The following STRAP variants were observed in gnomAD, a reference collection of about 807,000 sequenced individuals.
The protein encoded by STRAP is serine-threonine kinase receptor-associated protein.
Under a neutral mutation model 47.0 loss-of-function variants are expected in STRAP, and 16 were observed. That is an observed-to-expected ratio of 0.34 (90% CI 0.23 to 0.52). STRAP has a LOEUF of 0.52. STRAP is among the 20% of genes least tolerant of loss of function. The probability of loss-of-function intolerance (pLI) is 0.96; values close to 1 mark genes in which losing one functional copy is unlikely to be tolerated. For synonymous variants in STRAP, 130 were observed against 142.7 expected (o/e 0.91, Z 0.63); for missense variants, 293 against 420.0 (o/e 0.70, Z 2.64).
chr12:15,899,501 A>G (rs1948086078), intron 7 of STRAP, among the ~76,000 whole-genome samples: 1 of 152,234 alleles, frequency 6.6e-6, no homozygotes, highest in Admixed American at 6.5e-5. Context: ...GTGGCTCTCT[A>G]TAGTCATAAT....
intron 9 of STRAP, among the ~76,000 whole-genome samples, chr12:15,902,586 G>A (rs1948114001): frequency 6.6e-6 from 1 of 152,120 alleles, no homozygotes; most frequent in Non-Finnish European, 1.5e-5. Context: ...TAAAAGAGAG[G>A]GCCAGATCCT....
At chr12:15,885,914 A>G (rs1947966882) in intron 2 of STRAP, among the ~76,000 whole-genome samples, 1 of 152,204 alleles carries the variant, frequency 6.6e-6, no homozygotes, top group Non-Finnish European at 1.5e-5. Context: ...TAAAGTAACG[A>G]TGATAGCTAC....
At chr12:15,886,667 G>T (rs1947975267) in intron 2 of STRAP, among the ~76,000 whole-genome samples, 1 of 152,140 alleles carries the variant, frequency 6.6e-6, no homozygotes, top group African/African-American at 2.4e-5. Flanking sequence ...GTTTGTGTGT[G>T]TGTGTATTCT....
At chr12:15,893,640 CAAT>C (rs1948036358) in intron 4 of STRAP, among the ~76,000 whole-genome samples, 1 of 146,300 alleles carries the variant, frequency 6.8e-6, no homozygotes, top group Non-Finnish European at 1.5e-5. Context: ...GTATATTATA[CAAT>C]AATGCTTTTA....
intron 2 of STRAP, among the ~76,000 whole-genome samples, chr12:15,884,204 TC>T (rs1320889597): frequency 6.6e-6 from 1 of 152,244 alleles, no homozygotes; most frequent in Non-Finnish European, 1.5e-5. Flanking sequence ...ATTATCATCA[TC>T]TTTTTTGATT....
At chr12:15,884,428 C>G (rs1947951386) in intron 2 of STRAP, among the ~76,000 whole-genome samples, 1 of 151,888 alleles carries the variant, frequency 6.6e-6, no homozygotes, top group Admixed American at 6.6e-5. Flanking sequence ...AGTTCATGAC[C>G]TTTGATGTAC....
chr12:15,899,472 TG>T (rs1476483146), intron 7 of STRAP, among the ~76,000 whole-genome samples: 1 of 152,178 alleles, frequency 6.6e-6, no homozygotes, highest in East Asian at 1.9e-4. Context: ...AGGCAAAGTG[TG>T]TAAAAGAGCT....
At chr12:15,892,805 C>G (rs1393730984) in intron 4 of STRAP, among the ~76,000 whole-genome samples, 1 of 152,118 alleles carries the variant, frequency 6.6e-6, no homozygotes, top group Non-Finnish European at 1.5e-5. Flanking sequence ...TCTATGAACC[C>G]ATTCAACAAA....
intron 5 of STRAP, 121 bp from the exon 6 acceptor site, chr12:15,895,238 A>G (rs1948050243): frequency 1.3e-6 from 1 of 799,582 alleles, no homozygotes; most frequent in Admixed American, 3.6e-5. Context: ...GTGACTTGGA[A>G]TGAATGTTGT....
At chr12:15,901,914 G>T (rs1948106710) in intron 9 of STRAP, among the ~76,000 whole-genome samples, 1 of 151,358 alleles carries the variant, frequency 6.6e-6, no homozygotes, top group South Asian at 2.1e-4. Context: ...CAAAGAATTG[G>T]ACTGGGAACA....
chr12:15,899,026 C>T (rs1305180011), intron 7 of STRAP, among the ~76,000 whole-genome samples: 1 of 152,156 alleles, frequency 6.6e-6, no homozygotes, highest in African/African-American at 2.4e-5. Flanking sequence ...TTTTCTGTTA[C>T]TTTTATTTAA....
rs1319686901 is a variant in STRAP, at chr12:15,903,011, G to T, written c.*33G>T. ...TCATATGTGCAGTTAGTATACAACTGACTAAAACAAGCAAGCAGAGAAAAG... is the reference window on the plus strand; with the variant it reads ...TCATATGTGCAGTTAGTATACAACTTACTAAAACAAGCAAGCAGAGAAAAG... On this transcript the variant is annotated 3_prime_UTR_variant, in exon 10 of 10. Transcript: ENST00000419869. 2.8e-6 allele frequency: 4 copies of T among 1,426,028 alleles called. No individual in the cohort carries two copies. The highest frequency in any genetic ancestry group is 1.5e-5 in the African/African-American group (1 of 65,964). The allele number at this position is 1,426,028 out of a possible 1,614,324, so 88.3% of individuals were successfully genotyped here. A position where few individuals can be genotyped will look rare whatever the true frequency, so the allele number is the denominator to read the frequency against.
chr12:15,901,875 A>G (rs1948106119), intron 9 of STRAP, among the ~76,000 whole-genome samples: 1 of 151,908 alleles, frequency 6.6e-6, no homozygotes, highest in East Asian at 1.9e-4. Context: ...AAAAAAAAAA[A>G]AAAAAGGTTG....
At chr12:15,899,433 GAATA>G (rs1408581099) in intron 7 of STRAP, among the ~76,000 whole-genome samples, 1 of 151,806 alleles carries the variant, frequency 6.6e-6, no homozygotes, top group East Asian at 1.9e-4. Context: ...CTGTGTGACA[GAATA>G]ATTAGTGGAC....
chr12:15,892,573 A>G (rs950667588), intron 4 of STRAP, among the ~76,000 whole-genome samples: 6 of 152,212 alleles, frequency 3.9e-5, no homozygotes, highest in Non-Finnish European at 1.5e-5. Context: ...CACATTGGAA[A>G]TTAAGCGGTT....
chr12:15,902,950 T>A lies in STRAP; in HGVS notation c.1025T>A (p.Phe342Tyr). Residue 342 changes from phenylalanine to tyrosine, a missense_variant, in exon 10 of 10, where the codon TTT becomes TAT. By Grantham distance (22) the Phe-to-Tyr change is conservative. Transcript: ENST00000419869. ...GCTTCAGAGAATTCAGATTGCATCT[T>A]TCCTTCAGCTCCTGATGTTAAGGCC... is the stretch of plus-strand genomic sequence containing the variant. ...EIASENSDCIFPSAPDVKA is the reference protein window; with the variant it reads ...EIASENSDCIYPSAPDVKA 2 of 1,536,512 alleles carry A rather than the reference T, an allele frequency of 1.3e-6. No individual in the cohort carries two copies. Among genetic ancestry groups the A allele is most frequent in the South Asian group, 2.4e-5 (2 of 81,642 alleles).
intron 9 of STRAP, among the ~76,000 whole-genome samples, chr12:15,901,818 G>A (rs532672553): frequency 7.0e-5 from 10 of 142,164 alleles, no homozygotes; most frequent in South Asian, 2.3e-4. Flanking sequence ...CCGAGATTGC[G>A]CCACTGCACT....
chr12:15,883,013 G>C (rs74063285), intron 1 of STRAP, 194 bp downstream of exon 1: 7 of 1,506,328 alleles, frequency 4.6e-6, no homozygotes, highest in Non-Finnish European at 6.2e-6. Context: ...CCGAGAGGAC[G>C]CTTTTGTAGA....
At chr12:15,897,741 C>G in intron 6 of STRAP, 141 bp from the exon 7 acceptor site, 2 of 385,344 alleles carry the variant, frequency 5.2e-6, no homozygotes, top group Non-Finnish European at 4.3e-6. Context: ...TTGCTAACAG[C>G]TTTTTTTACA....
Sources: gnomAD v4.1 joint callset for allele counts (sites outside exome capture counted in the v4.1 genomes callset) on GRCh38, gnomAD v4.1.1 for gene constraint, MANE v1.5 for transcripts, NCBI Gene and HGNC (gene_info 2026-07-23, HGNC 2026-07-21) for gene names.